Variants in MACROD2 observed in about 807,000 individuals in gnomAD.
The protein encoded by MACROD2 is mono-ADP ribosylhydrolase 2.
Under a neutral mutation model 70.4 loss-of-function variants are expected in MACROD2, and 36 were observed. The observed-to-expected ratio is 0.51, with a 90% CI of 0.39 to 0.68. The LOEUF is 0.68. Ranked by LOEUF, MACROD2 falls within the 30% of genes least tolerant of loss-of-function variation. The pLI is 0.00. For synonymous variants in MACROD2, 172 were observed against 178.8 expected, an observed-to-expected ratio of 0.96 and a Z score of 0.30; for missense variants, 496 against 538.4, an observed-to-expected ratio of 0.92 and a Z score of 0.78.
At chr20:15,407,748 T>A (rs1307146519) in intron 6 of MACROD2, among the ~76,000 whole-genome samples, 3 of 152,198 alleles carry the variant, frequency 2.0e-5, no homozygotes, top group Non-Finnish European at 4.4e-5. Flanking sequence ...AAATGAATAC[T>A]AAATTTATAC....
chr20:14,498,701 T>C (rs2084883769), intron 4 of MACROD2, among the ~76,000 whole-genome samples: 2 of 152,218 alleles, frequency 1.3e-5, no homozygotes. Context: ...TCTGAGTTGC[T>C]ACCTGGAATT....
At chr20:14,498,018 G>T (rs1004498389) in intron 4 of MACROD2, among the ~76,000 whole-genome samples, 1 of 151,648 alleles carries the variant, frequency 6.6e-6, no homozygotes, top group African/African-American at 2.4e-5. Flanking sequence ...AGATGGACAA[G>T]GTTCAGTGCC....
intron 3 of MACROD2, among the ~76,000 whole-genome samples, chr20:14,336,575 A>G (rs1372564379): frequency 1.3e-5 from 2 of 152,198 alleles, no homozygotes; most frequent in African/African-American, 4.8e-5. Flanking sequence ...ATCCTCTGCA[A>G]AACCCACTTG....
At chr20:15,520,437 G>C (rs1441050431) in intron 8 of MACROD2, among the ~76,000 whole-genome samples, 1 of 152,244 alleles carries the variant, frequency 6.6e-6, no homozygotes, top group African/African-American at 2.4e-5. Flanking sequence ...ATAACTGCAA[G>C]AGCAGGCCAT....
chr20:15,709,497 CA>C (rs1165331410), intron 8 of MACROD2, among the ~76,000 whole-genome samples: 1 of 151,662 alleles, frequency 6.6e-6, no homozygotes. Context: ...CCTGCCTCTA[CA>C]AAAAATAAAA....
At chr20:15,131,388 T>G (rs1478613635) in intron 5 of MACROD2, among the ~76,000 whole-genome samples, 2 of 152,040 alleles carry the variant, frequency 1.3e-5, no homozygotes, top group Non-Finnish European at 2.9e-5. Context: ...CAAATTAATA[T>G]AAAGATGAAA....
chr20:15,549,584 A>C (rs1286599999), intron 8 of MACROD2, among the ~76,000 whole-genome samples: 1 of 152,244 alleles, frequency 6.6e-6, no homozygotes, highest in African/African-American at 2.4e-5. Flanking sequence ...CAACACAGAC[A>C]GAGGTTTTAT....
intron 4 of MACROD2, among the ~76,000 whole-genome samples, chr20:14,655,030 T>G (rs1017082551): frequency 1.3e-5 from 2 of 152,182 alleles, no homozygotes; most frequent in African/African-American, 4.8e-5. Context: ...CAGGGTTGTT[T>G]TTTTTTTAAT....
intron 5 of MACROD2, among the ~76,000 whole-genome samples, chr20:14,752,713 T>C (rs1210197943): frequency 2.6e-5 from 4 of 152,150 alleles, no homozygotes; most frequent in Non-Finnish European, 5.9e-5. Context: ...TTTTTGTCCC[T>C]GTCTCATGCC....
At chr20:14,277,187 C>A (rs778079776) in intron 3 of MACROD2, among the ~76,000 whole-genome samples, 5 of 151,434 alleles carry the variant, frequency 3.3e-5, no homozygotes, top group Non-Finnish European at 2.9e-5. Context: ...CTGTGGCTCA[C>A]GCCTGTAATC....
chr20:14,068,309 T>C (rs2053793972), intron 2 of MACROD2, among the ~76,000 whole-genome samples: 1 of 138,014 alleles, frequency 7.2e-6, no homozygotes, highest in Admixed American at 7.9e-5. Flanking sequence ...TCCAAACTAA[T>C]CCTGGCAGGG....
chr20:15,316,101 TAAA>T (rs57271877), intron 6 of MACROD2, among the ~76,000 whole-genome samples: 1 of 118,794 alleles, frequency 8.4e-6, no homozygotes. Context: ...AATGGCACAC[TAAA>T]AAAAAAAAAA....
chr20:14,987,796 T>C (rs879519993), intron 5 of MACROD2, among the ~76,000 whole-genome samples: 2 of 152,154 alleles, frequency 1.3e-5, no homozygotes, highest in Non-Finnish European at 2.9e-5. Flanking sequence ...TGCCATGTTA[T>C]AGAGGTCTTC....
At chr20:14,401,669 C>T (rs561404665) in intron 3 of MACROD2, among the ~76,000 whole-genome samples, 1 of 152,064 alleles carries the variant, frequency 6.6e-6, no homozygotes, top group African/African-American at 2.4e-5. Context: ...TTGTAAGTCC[C>T]CTGTCAACAC....
At chr20:14,912,526 A>G (rs1307439940) in intron 5 of MACROD2, among the ~76,000 whole-genome samples, 2 of 152,084 alleles carry the variant, frequency 1.3e-5, no homozygotes, top group Non-Finnish European at 2.9e-5. Context: ...ATTTTCTAGT[A>G]TTTCTCCTAA....
intron 8 of MACROD2, among the ~76,000 whole-genome samples, chr20:15,804,719 C>T (rs547931380): frequency 6.6e-6 from 1 of 152,298 alleles, no homozygotes; most frequent in African/African-American, 2.4e-5. Flanking sequence ...ACCTATATCT[C>T]TTTGGCACTC....
At chr20:15,657,954 T>C (rs1600721369) in intron 8 of MACROD2, among the ~76,000 whole-genome samples, 1 of 152,238 alleles carries the variant, frequency 6.6e-6, no homozygotes, top group East Asian at 1.9e-4. Context: ...GACTGAGCCA[T>C]TGCACTCCAG....
At chr20:15,624,234 C>CATTCCACTTTCTGCCTGCCT (rs1287846959) in intron 8 of MACROD2, among the ~76,000 whole-genome samples, 2 of 152,226 alleles carry the variant, frequency 1.3e-5, no homozygotes, top group Non-Finnish European at 2.9e-5. Context: ...CAAGCCTGCT[C>CATTCCACTTTCTGCCTGCCT]ATTCCACTTT....
In MACROD2 at chr20:15,087,901, A is replaced by G. The variant is rs182591367; in HGVS notation, c.419-142039A>G. 1.4e-3 allele frequency among the ~76,000 whole-genome samples: 217 copies of G among 152,166 alleles called. 2 individuals carry two copies. Among genetic ancestry groups the G allele is most frequent in the Admixed American group, 0.013 (204 of 15,276 alleles). On this transcript the variant is annotated intron_variant, in intron 5 of 17. Transcript: ENST00000684519. The stretch of plus-strand genomic sequence containing the variant: ...GAAAAAAATTTTAAATGGTCAATAA[A>G]CATATAAAGATATGTTTAACCTTTC...
Sources: gnomAD v4.1 joint callset for allele counts (sites outside exome capture counted in the v4.1 genomes callset) on GRCh38, gnomAD v4.1.1 for gene constraint, MANE v1.5 for transcripts, NCBI Gene and HGNC (gene_info 2026-07-23, HGNC 2026-07-21) for gene names.